DACH1: variants seen among roughly 807,000 people sequenced by gnomAD.
DACH1 encodes the protein dachshund homolog 1.
A neutral mutation model predicts 54.2 loss-of-function variants in DACH1; 12 were observed. The observed-to-expected ratio is 0.22, with a 90% confidence interval of 0.14 to 0.36. The LOEUF is 0.36. Ranked by LOEUF, DACH1 falls within the 10% of genes least tolerant of loss-of-function variation. The probability of loss-of-function intolerance (pLI) is 1.00; values close to 1 mark genes in which losing one functional copy is unlikely to be tolerated. For synonymous variants in DACH1, 386 were observed against 366.2 expected (o/e 1.05, Z -0.62); for missense variants, 805 against 929.8 (o/e 0.87, Z 1.75).
intron 6 of DACH1, among the ~76,000 whole-genome samples, chr13:71,525,713 T>C (rs1881907500): frequency 6.6e-6 from 1 of 152,158 alleles, no homozygotes; most frequent in Admixed American, 6.6e-5. Context: ...TTTTATTATC[T>C]ACTTCACTGT....
intron 3 of DACH1, among the ~76,000 whole-genome samples, chr13:71,584,628 T>C (rs571190195): frequency 5.3e-5 from 8 of 152,256 alleles, no homozygotes; most frequent in Middle Eastern, 3.4e-3. Flanking sequence ...GTTTGAACTA[T>C]TGAAACAGTT....
chr13:71,781,670 G>A (rs200475432), intron 1 of DACH1, among the ~76,000 whole-genome samples: 18 of 152,254 alleles, frequency 1.2e-4, no homozygotes, highest in East Asian at 9.7e-4. Context: ...GAGCCACCAT[G>A]CCTGGCCAAG....
At chr13:71,831,922 C>T (rs570488766) in intron 1 of DACH1, among the ~76,000 whole-genome samples, 5 of 151,966 alleles carry the variant, frequency 3.3e-5, no homozygotes, top group South Asian at 2.1e-4. Flanking sequence ...GGGAACAGAG[C>T]GACCCTGGGG....
intron 1 of DACH1, among the ~76,000 whole-genome samples, chr13:71,777,782 A>G (rs1886125183): frequency 6.6e-6 from 1 of 152,030 alleles, no homozygotes; most frequent in South Asian, 2.1e-4. Flanking sequence ...TATTCCCACT[A>G]TTCTCAACAT....
At chr13:71,537,270 G>T (rs989599248) in intron 6 of DACH1, among the ~76,000 whole-genome samples, 1 of 151,992 alleles carries the variant, frequency 6.6e-6, no homozygotes, top group Non-Finnish European at 1.5e-5. Context: ...TCATTCAGCC[G>T]CAGTTCAAAT....
chr13:71,728,910 G>A (rs926654139), intron 1 of DACH1, among the ~76,000 whole-genome samples: 2 of 151,852 alleles, frequency 1.3e-5, no homozygotes, highest in African/African-American at 2.4e-5. Flanking sequence ...GTTTTGTTTG[G>A]TTTTTGAGGT....
intron 1 of DACH1, among the ~76,000 whole-genome samples, chr13:71,685,628 C>A (rs1045198317): frequency 9.9e-5 from 15 of 152,126 alleles, no homozygotes; most frequent in African/African-American, 3.4e-4. Context: ...GATATTTTAT[C>A]CTTATGCAAT....
At chr13:71,797,349 A>AATT (rs1887099794) in intron 1 of DACH1, among the ~76,000 whole-genome samples, 1 of 152,124 alleles carries the variant, frequency 6.6e-6, no homozygotes, top group Non-Finnish European at 1.5e-5. Flanking sequence ...TTAAGCTGAA[A>AATT]ATTAGAAAAG....
intron 1 of DACH1, among the ~76,000 whole-genome samples, chr13:71,750,121 C>T (rs73525424): frequency 0.027 from 4,123 of 152,158 alleles, 151 homozygotes; most frequent in African/African-American, 0.083. Flanking sequence ...GCTCTTTCTC[C>T]GCCTGGAACA....
At chr13:71,692,010 TACACACACACAC>T (rs34800453) in intron 1 of DACH1, among the ~76,000 whole-genome samples, 7 of 140,030 alleles carry the variant, frequency 5.0e-5, no homozygotes, top group East Asian at 4.3e-4. Context: ...AGCCCCCCAT[TACACACACACAC>T]ACACACACAC....
chr13:71,496,226 A>G (rs993431449), intron 6 of DACH1, among the ~76,000 whole-genome samples: 3 of 142,464 alleles, frequency 2.1e-5, no homozygotes, highest in African/African-American at 7.9e-5. Flanking sequence ...CGACACAGCA[A>G]GACTTTGTCT....
intron 5 of DACH1, 149 bp from the exon 6 acceptor site, chr13:71,557,307 A>G: frequency 1.9e-6 from 1 of 532,686 alleles, no homozygotes; most frequent in Non-Finnish European, 2.9e-6. Flanking sequence ...ATCTATCCCT[A>G]AAAACACTGT....
At chr13:71,535,731 C>G (rs1174449367) in intron 6 of DACH1, among the ~76,000 whole-genome samples, 1 of 151,744 alleles carries the variant, frequency 6.6e-6, no homozygotes, top group East Asian at 1.9e-4. Flanking sequence ...TTGATAATTT[C>G]CCAGAATACC....
At chr13:71,801,650 C>T (rs1887292729) in intron 1 of DACH1, among the ~76,000 whole-genome samples, 1 of 152,042 alleles carries the variant, frequency 6.6e-6, no homozygotes, top group Non-Finnish European at 1.5e-5. Flanking sequence ...ATATGAAATA[C>T]AGAGCATTTC....
At chr13:71,638,988 T>C (rs540494829) in intron 2 of DACH1, among the ~76,000 whole-genome samples, 1 of 152,232 alleles carries the variant, frequency 6.6e-6, no homozygotes, top group African/African-American at 2.4e-5. Flanking sequence ...ACAGTTCCTA[T>C]AGACTCTTTG....
intron 3 of DACH1, among the ~76,000 whole-genome samples, chr13:71,591,357 G>A (rs985773007): frequency 3.3e-5 from 5 of 152,060 alleles, no homozygotes; most frequent in African/African-American, 1.2e-4. Context: ...ACATATCAGT[G>A]ATTTTCAAAC....
At chr13:71,820,396 G>A (rs911325920) in intron 1 of DACH1, among the ~76,000 whole-genome samples, 11 of 152,212 alleles carry the variant, frequency 7.2e-5, no homozygotes, top group African/African-American at 2.4e-4. Context: ...CTCATGAGAT[G>A]ACTTTTCCAA....
intron 1 of DACH1, among the ~76,000 whole-genome samples, chr13:71,736,007 T>TA (rs776614787): frequency 6.6e-6 from 1 of 152,072 alleles, no homozygotes; most frequent in South Asian, 2.1e-4. Flanking sequence ...TAAAATGCAT[T>TA]AAAAATCTAT....
intron 1 of DACH1, among the ~76,000 whole-genome samples, chr13:71,838,959 G>A (rs982602157): frequency 2.0e-5 from 3 of 152,072 alleles, no homozygotes; most frequent in Admixed American, 6.5e-5. Flanking sequence ...TCAAATTCCG[G>A]TACAGAATGT....
Sources: gnomAD v4.1 joint callset for allele counts (sites outside exome capture counted in the v4.1 genomes callset) on GRCh38, gnomAD v4.1.1 for gene constraint, MANE v1.5 for transcripts, NCBI Gene and HGNC (gene_info 2026-07-23, HGNC 2026-07-21) for gene names.